SH2D4B: variants seen among roughly 807,000 people sequenced by gnomAD.
The protein encoded by SH2D4B is SH2 domain containing 4B.
A neutral mutation model predicts 61.5 loss-of-function variants in SH2D4B; 45 were observed. That is an observed-to-expected ratio of 0.73 (90% CI 0.58 to 0.94). The LOEUF (loss-of-function observed/expected upper bound fraction) is 0.94, where lower values mean the gene tolerates loss of function less well. Ranked by LOEUF, SH2D4B falls within the 40% of genes least tolerant of loss-of-function variation. SH2D4B has a pLI of 0.00. For missense variants in SH2D4B, 572 were observed against 574.2 expected, an observed-to-expected ratio of 1.00 and a Z score of 0.04; for synonymous variants, 224 against 220.4, an observed-to-expected ratio of 1.02 and a Z score of -0.14.
intron 4 of SH2D4B, among the ~76,000 whole-genome samples, chr10:80,596,791 G>C (rs539490010): frequency 2.1e-4 from 32 of 152,290 alleles, no homozygotes; most frequent in African/African-American, 7.0e-4. Context: ...CTGGTGCGTA[G>C]CTCAACATTG....
At chr10:80,560,704 T>C (rs1224055267) in intron 1 of SH2D4B, among the ~76,000 whole-genome samples, 1 of 147,000 alleles carries the variant, frequency 6.8e-6, no homozygotes, top group Non-Finnish European at 1.5e-5. Context: ...TTTTTTTTTT[T>C]TTTTTTTTTT....
At chr10:80,606,788 A>G (rs1842524799) in intron 5 of SH2D4B, among the ~76,000 whole-genome samples, 1 of 151,244 alleles carries the variant, frequency 6.6e-6, no homozygotes, top group African/African-American at 2.4e-5. Flanking sequence ...TACTGCTGGT[A>G]TGACTTTGGC....
intron 1 of SH2D4B, among the ~76,000 whole-genome samples, chr10:80,564,590 ACT>A (rs1269634613): frequency 6.6e-6 from 1 of 151,686 alleles, no homozygotes; most frequent in East Asian, 1.9e-4. Context: ...ACCAATTCTC[ACT>A]CTCTAGCTGA....
rs1380343789 is a variant in SH2D4B at position 80,565,677 on chromosome 10, C to G, written c.185-4477C>G. 2.6e-5 allele frequency among the ~76,000 whole-genome samples: 4 copies of G among 152,198 alleles called. No individual in the cohort carries two copies. In the East Asian group the frequency reaches 7.7e-4, roughly 29 times the overall value. ...GATAAGATCACCAAGGATCCCTTCC[C>G]TTCTATCTTTTGCCTCCCCATCCTT... On this transcript the variant is annotated intron_variant, in intron 1 of 7. Coordinates refer to ENST00000646907, the MANE Select transcript of SH2D4B (RefSeq NM_001388272.1).
At chr10:80,621,011 G>C (rs1316141509) in intron 6 of SH2D4B, among the ~76,000 whole-genome samples, 1 of 152,130 alleles carries the variant, frequency 6.6e-6, no homozygotes, top group African/African-American at 2.4e-5. Context: ...AACTCTTATG[G>C]AAACTATGTT....
chr10:80,618,183 G>T (rs1842680391), intron 6 of SH2D4B, among the ~76,000 whole-genome samples: 1 of 152,222 alleles, frequency 6.6e-6, no homozygotes, highest in African/African-American at 2.4e-5. Flanking sequence ...TTCTGCTCTA[G>T]CGAAGCTGTC....
rs59848195 is a variant in SH2D4B, at chr10:80,612,198, T to TTTTTTTTTTTTTC, written c.988+2647_988+2648insTTTTTTTTTTTTC. The stretch of plus-strand genomic sequence containing the variant: ...CCACTCCTGCTTTTTTTTTTTTTTT[T>TTTTTTTTTTTTTC]CAACTTTACTCACTTATAAAATCCC... On this transcript the variant is annotated intron_variant, in intron 6 of 7. Transcript: ENST00000646907. Among the ~76,000 whole-genome samples, 33 of 125,214 alleles carry TTTTTTTTTTTTTC rather than the reference T, an allele frequency of 2.6e-4. 2 individuals carry two copies. The highest frequency in any genetic ancestry group is 2.8e-4 in the East Asian group (1 of 3,592). The allele number at this position is 125,214 out of a possible 152,430, so 82.1% of individuals were successfully genotyped here.
intron 1 of SH2D4B, among the ~76,000 whole-genome samples, chr10:80,556,270 A>G (rs1212908736): frequency 2.0e-5 from 3 of 152,208 alleles, no homozygotes; most frequent in Non-Finnish European, 2.9e-5. Context: ...AGGACTCTCC[A>G]TACTATTTCA....
chr10:80,631,053 G>A (rs1243375325), intron 6 of SH2D4B, among the ~76,000 whole-genome samples: 3 of 152,212 alleles, frequency 2.0e-5, no homozygotes, highest in Non-Finnish European at 4.4e-5. Flanking sequence ...TTGGAGGAAA[G>A]AGACCCCTTG....
chr10:80,554,629 A>G (rs1051039360), intron 1 of SH2D4B, among the ~76,000 whole-genome samples: 28 of 152,010 alleles, frequency 1.8e-4, no homozygotes, highest in African/African-American at 6.8e-4. Flanking sequence ...TTTTGCTCTT[A>G]AGGCTTTTAA....
Position 80,634,269 on chromosome 10 carries a change from T to TC in SH2D4B, c.989-16_989-15insC. The stretch of plus-strand genomic sequence containing the variant: ...GAACCTGCTGTGTTTTTTTGTTTTT[T>TC]TCTATTTTAAATCAGGAATTATTAG... On this transcript the variant is annotated splice_polypyrimidine_tract_variant and intron_variant, in intron 6 of 7. Coordinates refer to ENST00000646907, the MANE Select transcript of SH2D4B (RefSeq NM_001388272.1). 6.7e-7 allele frequency: 1 copy of TC among 1,495,818 alleles called. No individual in the cohort carries two copies. Among genetic ancestry groups the TC allele is most frequent in the Non-Finnish European group, 8.9e-7 (1 of 1,120,706 alleles). 92.7% of individuals were successfully genotyped at this position (1,495,818 alleles called of 1,614,324 possible). A position where few individuals can be genotyped will look rare whatever the true frequency, so the allele number is the denominator to read the frequency against.
chr10:80,589,518 A>G (rs893444239), intron 4 of SH2D4B, among the ~76,000 whole-genome samples: 1 of 152,120 alleles, frequency 6.6e-6, no homozygotes, highest in Non-Finnish European at 1.5e-5. Context: ...CAGCCTGGGT[A>G]ACAGAGTGAG....
intron 1 of SH2D4B, among the ~76,000 whole-genome samples, chr10:80,553,540 C>T (rs1202552066): frequency 6.6e-6 from 1 of 152,162 alleles, no homozygotes; most frequent in African/African-American, 2.4e-5. Flanking sequence ...ACACCAAGTC[C>T]TGCTACACGT....
At chr10:80,580,827 A>G (rs1473914346) in intron 3 of SH2D4B, among the ~76,000 whole-genome samples, 1 of 152,200 alleles carries the variant, frequency 6.6e-6, no homozygotes, top group African/African-American at 2.4e-5. Flanking sequence ...AATAAGCTGG[A>G]CAGCTCAGAG....
At chr10:80,639,637 A>T (rs1840253163) in intron 7 of SH2D4B, among the ~76,000 whole-genome samples, 1 of 152,176 alleles carries the variant, frequency 6.6e-6, no homozygotes, top group African/African-American at 2.4e-5. Flanking sequence ...TGCTTGGTAG[A>T]TCGTCCTTCA....
chr10:80,598,205 C>T (rs1842408377), intron 4 of SH2D4B, among the ~76,000 whole-genome samples: 1 of 152,090 alleles, frequency 6.6e-6, no homozygotes, highest in Admixed American at 6.5e-5. Context: ...GAGCTGAGGC[C>T]TGTTGGGAGG....
In SH2D4B at chr10:80,614,759, G is replaced by T. The variant is rs146180917; in HGVS notation, c.988+5208G>T. 1.5e-3 allele frequency among the ~76,000 whole-genome samples: 228 copies of T among 152,346 alleles called. 1 individual carries two copies. Among genetic ancestry groups the T allele is most frequent in the African/African-American group, 5.2e-3 (218 of 41,584 alleles). On this transcript the variant is annotated intron_variant, in intron 6 of 7. Transcript: ENST00000646907. Reference sequence around the variant, plus strand: ...TGCCCCTGCCAAGCCACTGAAGTTTGCTCAGGTTGTCATGAACATTGGAAA... The same window carrying T: ...TGCCCCTGCCAAGCCACTGAAGTTTTCTCAGGTTGTCATGAACATTGGAAA...
chr10:80,554,133 A>G (rs1401045523), intron 1 of SH2D4B, among the ~76,000 whole-genome samples: 1 of 152,212 alleles, frequency 6.6e-6, no homozygotes, highest in Non-Finnish European at 1.5e-5. Context: ...AGAAGACTGA[A>G]GTTCCAGAAG....
Position 80,570,162 on chromosome 10 carries a change from G to A in SH2D4B, c.193G>A (p.Asp65Asn), listed in dbSNP as rs1842022003. The A allele has an allele frequency of 1.9e-6, 3 of 1,613,960 alleles. No homozygotes were observed. The highest frequency in any genetic ancestry group is 1.7e-5 in the Admixed American group (1 of 59,998). Reference protein sequence around the residue: ...RPPKTKRAASDKHIQWLLGAD... With the variant: ...RPPKTKRAASNKHIQWLLGAD... ...CTTCTTCTATTGTGAAGCAGCGAGT[G>A]ACAAGCACATCCAATGGCTCCTAGG... The change falls in exon 2 of 8, where the codon GAC (aspartate) becomes AAC (asparagine). Residue 65 changes from aspartate to asparagine, a missense_variant. Physicochemically the swap from Asp to Asn is conservative, Grantham distance 23. Transcript: ENST00000646907.
Sources: allele counts gnomAD v4.1 joint callset (sites outside exome capture counted in the v4.1 genomes callset), GRCh38; gene constraint gnomAD v4.1.1; transcripts MANE v1.5; gene names NCBI Gene and HGNC (gene_info 2026-07-23, HGNC 2026-07-21).